The following KIAA0825 variants were observed in gnomAD, a reference collection of about 807,000 sequenced individuals.
KIAA0825 encodes the protein KIAA0825.
Under a neutral mutation model 147.6 loss-of-function variants are expected in KIAA0825, and 119 were observed. The observed-to-expected ratio is 0.81, with a 90% CI of 0.69 to 0.94. The LOEUF (loss-of-function observed/expected upper bound fraction) is 0.94, where lower values mean the gene tolerates loss of function less well. Among genes scored for constraint, KIAA0825 ranks in the 40% least tolerant of loss-of-function variants. KIAA0825 has a pLI of 0.00. For synonymous variants in KIAA0825, 470 were observed against 518.1 expected (o/e 0.91, Z 1.26); for missense variants, 1,381 against 1,472.7 (o/e 0.94, Z 1.02).
intron 20 of KIAA0825, among the ~76,000 whole-genome samples, chr5:94,205,583 G>GCA (rs1772122599): frequency 6.6e-6 from 1 of 152,062 alleles, no homozygotes; most frequent in Admixed American, 6.6e-5. Flanking sequence ...GAGCCACCAT[G>GCA]CCCGGCCCAA....
chr5:94,400,170 TAACA>T (rs1751199839), intron 16 of KIAA0825, among the ~76,000 whole-genome samples: 2 of 152,142 alleles, frequency 1.3e-5, no homozygotes. Flanking sequence ...GAAATTTGAC[TAACA>T]AATATCCATC....
At chr5:94,537,270 G>A (rs755577649) in intron 2 of KIAA0825, 143 bp from the exon 3 acceptor site, 69 of 565,368 alleles carry the variant, frequency 1.2e-4, no homozygotes, top group Non-Finnish European at 2.0e-4. Context: ...TATAGCAGTT[G>A]GAGAACTAGG....
intron 16 of KIAA0825, among the ~76,000 whole-genome samples, chr5:94,397,288 T>C (rs1445918896): frequency 6.6e-6 from 1 of 152,216 alleles, no homozygotes; most frequent in Admixed American, 6.5e-5. Context: ...CTTCTTTGTG[T>C]CCTATGCTAT....
intron 20 of KIAA0825, among the ~76,000 whole-genome samples, chr5:94,252,995 A>C (rs1321736846): frequency 6.6e-6 from 1 of 152,124 alleles, no homozygotes; most frequent in African/African-American, 2.4e-5. Context: ...TGTAAAAATC[A>C]ATTGTTTCCT....
At chr5:94,489,318 GCAAATTTCTGGAT>G (rs1763426922) in intron 5 of KIAA0825, among the ~76,000 whole-genome samples, 1 of 152,062 alleles carries the variant, frequency 6.6e-6, no homozygotes, top group African/African-American at 2.4e-5. Context: ...CATTAAAAAT[GCAAATTTCTGGAT>G]CTTCTCCAGA....
intron 20 of KIAA0825, among the ~76,000 whole-genome samples, chr5:94,160,673 T>C (rs1767488794): frequency 6.7e-6 from 1 of 149,220 alleles, no homozygotes; most frequent in African/African-American, 2.4e-5. Context: ...TGTATGTATA[T>C]TTACTATATA....
At chr5:94,461,207 C>A (rs941748440) in intron 12 of KIAA0825, among the ~76,000 whole-genome samples, 5 of 151,798 alleles carry the variant, frequency 3.3e-5, no homozygotes, top group Non-Finnish European at 7.4e-5. Flanking sequence ...CATTGGGGGG[C>A]TAAAATTTTT....
At chr5:94,257,821 A>G (rs573363267) in intron 20 of KIAA0825, among the ~76,000 whole-genome samples, 1 of 152,160 alleles carries the variant, frequency 6.6e-6, no homozygotes, top group African/African-American at 2.4e-5. Context: ...GATCTTCAAT[A>G]TACAGTATTA....
At chr5:94,559,334 G>T (rs1432081169) in intron 2 of KIAA0825, among the ~76,000 whole-genome samples, 1 of 152,152 alleles carries the variant, frequency 6.6e-6, no homozygotes, top group African/African-American at 2.4e-5. Flanking sequence ...CCTAACTGTT[G>T]ATCTTTACTA....
intron 17 of KIAA0825, among the ~76,000 whole-genome samples, chr5:94,392,317 T>G (rs1750004867): frequency 6.6e-6 from 1 of 152,180 alleles, no homozygotes; most frequent in Non-Finnish European, 1.5e-5. Flanking sequence ...TTAGCACAAG[T>G]CACTATCTTG....
chr5:94,316,605 G>T (rs1436444745), intron 20 of KIAA0825, among the ~76,000 whole-genome samples: 2 of 151,674 alleles, frequency 1.3e-5, no homozygotes, highest in East Asian at 3.9e-4. Flanking sequence ...AGGAGGTCCA[G>T]GCAGGAACCT....
At chr5:94,384,487 T>C (rs1472574605) in intron 19 of KIAA0825, 29 bp from the exon 20 acceptor site, 1 of 1,499,580 alleles carries the variant, frequency 6.7e-7, no homozygotes, top group African/African-American at 1.4e-5. Context: ...GAAGACACTA[T>C]TGTTAGTTAT....
At chr5:94,519,378 A>C in intron 5 of KIAA0825, 2 of 895,378 alleles carry the variant, frequency 2.2e-6, no homozygotes, top group Non-Finnish European at 2.7e-6. Flanking sequence ...TACACCTCAG[A>C]TTTTATATAA....
rs373235185 is a variant in KIAA0825 at position 94,469,220 on chromosome 5, G to A, written c.1872+741C>T. ...GAGTCTAGCTCTGTCACCCAGGCTG[G>A]AGTGCAGTGGCTGGATCTCAGCTCA... On this transcript the variant is annotated intron_variant, in intron 10 of 20. Coordinates refer to ENST00000682413, the MANE Select transcript of KIAA0825 (RefSeq NM_001145678.3). Among the ~76,000 whole-genome samples, 32 of 151,906 alleles carry A rather than the reference G, an allele frequency of 2.1e-4. No individual in the cohort carries two copies. In the South Asian group the frequency reaches 6.3e-3, roughly 30 times the overall value.
At chr5:94,370,710 T>A (rs575394316) in intron 20 of KIAA0825, among the ~76,000 whole-genome samples, 5 of 152,084 alleles carry the variant, frequency 3.3e-5, no homozygotes, top group Non-Finnish European at 7.4e-5. Context: ...ATCGAGATCA[T>A]CCTGGCTAAC....
intron 20 of KIAA0825, among the ~76,000 whole-genome samples, chr5:94,179,261 A>C (rs1287292922): frequency 6.6e-6 from 1 of 152,112 alleles, no homozygotes; most frequent in Non-Finnish European, 1.5e-5. Context: ...ACACAGAGTG[A>C]ACTTTTTTGT....
At chr5:94,305,487 T>G (rs918608501) in intron 20 of KIAA0825, among the ~76,000 whole-genome samples, 2 of 152,014 alleles carry the variant, frequency 1.3e-5, no homozygotes, top group Non-Finnish European at 2.9e-5. Context: ...CAGTAGGGTT[T>G]CACGATGTAA....
intron 5 of KIAA0825, among the ~76,000 whole-genome samples, chr5:94,501,989 T>G (rs1230134376): frequency 6.6e-6 from 1 of 152,164 alleles, no homozygotes; most frequent in East Asian, 1.9e-4. Flanking sequence ...ATTCTATATG[T>G]ATTGATACAA....
At chr5:94,239,941 T>G (rs986829299) in intron 20 of KIAA0825, among the ~76,000 whole-genome samples, 7 of 152,290 alleles carry the variant, frequency 4.6e-5, no homozygotes, top group Admixed American at 2.0e-4. Context: ...AGCTCACAAG[T>G]GATGATATAA....
Sources: allele counts gnomAD v4.1 joint callset (sites outside exome capture counted in the v4.1 genomes callset), GRCh38; gene constraint gnomAD v4.1.1; transcripts MANE v1.5; gene names NCBI Gene and HGNC (gene_info 2026-07-23, HGNC 2026-07-21).